Variants in PRKAR1B observed in about 807,000 individuals in gnomAD.
PRKAR1B encodes protein kinase cAMP-dependent type I regulatory subunit beta.
A neutral mutation model predicts 46.5 loss-of-function variants in PRKAR1B; 22 were observed. The observed-to-expected ratio is 0.47, with a 90% CI of 0.34 to 0.68. The LOEUF is 0.68. Among genes scored for constraint, PRKAR1B ranks in the 30% least tolerant of loss-of-function variants. The pLI is 0.01. For missense variants in PRKAR1B, 445 were observed against 535.6 expected (o/e 0.83, Z 1.67); for synonymous variants, 259 against 217.7 (o/e 1.19, Z -1.67).
intron 5 of PRKAR1B, 150 bp from the exon 6 acceptor site, chr7:606,389 A>C: frequency 1.7e-6 from 1 of 590,532 alleles, no homozygotes; most frequent in Admixed American, 3.2e-5. Flanking sequence ...ACAAGATTAT[A>C]CAAACATTGA....
At chr7:626,970 GT>G (rs969964842) in intron 4 of PRKAR1B, among the ~76,000 whole-genome samples, 1 of 152,122 alleles carries the variant, frequency 6.6e-6, no homozygotes, top group African/African-American at 2.4e-5. Flanking sequence ...CGCCTCCCGG[GT>G]TCAAGCGATT....
intron 4 of PRKAR1B, among the ~76,000 whole-genome samples, chr7:612,709 G>C (rs954608278): frequency 2.6e-5 from 4 of 152,234 alleles, no homozygotes; most frequent in Non-Finnish European, 5.9e-5. Flanking sequence ...AAAAGCTGCT[G>C]GAGTGGCCAC....
Position 586,938 on chromosome 7 carries a change from T to C in PRKAR1B, c.709-2370A>G, listed in dbSNP as rs575020953. Among the ~76,000 whole-genome samples the C allele has an allele frequency of 8.1e-5, 12 of 148,646 alleles. 1 individual carries two copies. The South Asian group carries it at 2.4e-3, about 29-fold the overall frequency. The stretch of plus-strand genomic sequence containing the variant: ...TCACTCTGTTGCCCAGGCTGGAGTG[T>C]AGTGGTGCGATCTCGGCTCACTGCA... On this transcript the variant is annotated intron_variant, in intron 7 of 10. Transcript: ENST00000537384.
At chr7:612,265 CGGA>C (rs1562562451) in intron 4 of PRKAR1B, among the ~76,000 whole-genome samples, 31 of 124,874 alleles carry the variant, frequency 2.5e-4, no homozygotes, top group African/African-American at 8.5e-4. Context: ...AGTAGATCAA[CGGA>C]TGGATGGATG....
intron 4 of PRKAR1B, among the ~76,000 whole-genome samples, chr7:642,247 G>C (rs1190153354): frequency 6.6e-6 from 1 of 152,156 alleles, no homozygotes; most frequent in African/African-American, 2.4e-5. Flanking sequence ...CATGGTGGAC[G>C]GGGGTGGAAG....
intron 4 of PRKAR1B, among the ~76,000 whole-genome samples, chr7:610,220 C>A (rs970953042): frequency 1.3e-5 from 2 of 152,218 alleles, no homozygotes; most frequent in Non-Finnish European, 2.9e-5. Context: ...GGCTCACGTT[C>A]CACTCACGTG....
intron 2 of PRKAR1B, among the ~76,000 whole-genome samples, chr7:689,924 G>A (rs1436727193): frequency 9.3e-5 from 14 of 150,816 alleles, no homozygotes; most frequent in Non-Finnish European, 1.3e-4. Context: ...CTCGTGATCC[G>A]CCCGCCTCGG....
intron 9 of PRKAR1B, among the ~76,000 whole-genome samples, chr7:578,331 C>A (rs1468289566): frequency 6.6e-6 from 1 of 152,214 alleles, no homozygotes; most frequent in African/African-American, 2.4e-5. Flanking sequence ...CCCAGCACAT[C>A]CCGGGAGCTC....
intron 1 of PRKAR1B, among the ~76,000 whole-genome samples, chr7:718,295 CATACACAT>C (rs1780952903): frequency 7.4e-6 from 1 of 135,698 alleles, no homozygotes; most frequent in African/African-American, 2.7e-5. Flanking sequence ...CACACACACA[CATACACAT>C]ATATACATAC....
In PRKAR1B at chr7:641,183, A is replaced by C. The variant is rs747555384; in HGVS notation, c.441-33731T>G. ...TGGCCAGGATGGTCTCCATCTCCCG[A>C]CCTCATGATCCGCCCGCCTCGGCCT... On this transcript the variant is annotated intron_variant, in intron 4 of 10. Transcript: ENST00000537384. Among the ~76,000 whole-genome samples the C allele has an allele frequency of 2.9e-3, 446 of 151,976 alleles. 1 individual carries two copies. The highest frequency in any genetic ancestry group is 5.2e-3 in the Non-Finnish European group (356 of 67,960).
At chr7:660,635 C>T (rs1292262005) in intron 4 of PRKAR1B, among the ~76,000 whole-genome samples, 2 of 128,008 alleles carry the variant, frequency 1.6e-5, no homozygotes, top group African/African-American at 3.0e-5. Flanking sequence ...AGCACAAGTC[C>T]CCACCCCAAC....
chr7:701,137 G>A (rs775012137), intron 2 of PRKAR1B, among the ~76,000 whole-genome samples: 75 of 151,192 alleles, frequency 5.0e-4, no homozygotes, highest in Non-Finnish European at 6.6e-4. Flanking sequence ...ACAGTAAGCC[G>A]AGATCGCACC....
intron 2 of PRKAR1B, among the ~76,000 whole-genome samples, chr7:685,311 T>TAC: frequency 1.0e-5 from 1 of 96,986 alleles, no homozygotes; most frequent in African/African-American, 4.9e-5. Context: ...TATATACGTA[T>TAC]ATATACGTAT....
rs148608276 is a variant in PRKAR1B, at chr7:623,881, G to T, written c.441-16429C>A. On this transcript the variant is annotated intron_variant, in intron 4 of 10. Transcript: ENST00000537384. Reference sequence around the variant, plus strand: ...TATGGAATGAACCTATGGAGTCCCAGAAGGGAGGTACAAGCCAAGTGTCCG... The same window carrying T: ...TATGGAATGAACCTATGGAGTCCCATAAGGGAGGTACAAGCCAAGTGTCCG... Among the ~76,000 whole-genome samples the T allele has an allele frequency of 5.8e-3, 889 of 152,328 alleles. 12 individuals are homozygous for T. Among genetic ancestry groups the T allele is most frequent in the African/African-American group, 0.02 (842 of 41,574 alleles).
chr7:600,047 G>A (rs1173152243), intron 6 of PRKAR1B, among the ~76,000 whole-genome samples: 1 of 152,248 alleles, frequency 6.6e-6, no homozygotes, highest in Non-Finnish European at 1.5e-5. Flanking sequence ...GCTGGGGGAG[G>A]CGCATGGGCA....
intron 1 of PRKAR1B, chr7:716,520 G>C (rs750793028): frequency 3.9e-5 from 6 of 152,204 alleles, no homozygotes; most frequent in Non-Finnish European, 7.3e-5. Context: ...ACTTCTCCTT[G>C]GTAGCTCTTA....
At position 596,316 on chromosome 7, in the gene PRKAR1B, AAG is replaced by A. The variant is rs1781263186; in HGVS notation, c.550-14_550-13del. On this transcript the variant is annotated splice_polypyrimidine_tract_variant and intron_variant, in intron 6 of 10. Transcript: ENST00000537384. ...CCGTTCACGTACACCTTTGGGGAGCAAGAGAGAGAAGTGTCACGGGGGCCAGG... is the reference window on the plus strand; with the variant it reads ...CCGTTCACGTACACCTTTGGGGAGCAAGAGAGAAGTGTCACGGGGGCCAGG... 2 of 1,598,798 alleles carry A rather than the reference AAG, an allele frequency of 1.3e-6. No individual in the cohort carries two copies. Among genetic ancestry groups the A allele is most frequent in the East Asian group, 2.2e-5 (1 of 44,462 alleles).
At chr7:576,442 C>G (rs111924907) in intron 9 of PRKAR1B, among the ~76,000 whole-genome samples, 86 of 152,334 alleles carry the variant, frequency 5.6e-4, no homozygotes, top group African/African-American at 1.9e-3. Flanking sequence ...ACGGCTCCCC[C>G]GCAAGGACCC....
At chr7:610,299 G>A (rs1782401726) in intron 4 of PRKAR1B, among the ~76,000 whole-genome samples, 1 of 152,178 alleles carries the variant, frequency 6.6e-6, no homozygotes, top group Non-Finnish European at 1.5e-5. Flanking sequence ...AGTCTCCAGA[G>A]GGGGCTGTTC....
Sources: allele counts gnomAD v4.1 joint callset (sites outside exome capture counted in the v4.1 genomes callset), GRCh38; gene constraint gnomAD v4.1.1; transcripts MANE v1.5; gene names NCBI Gene and HGNC (gene_info 2026-07-23, HGNC 2026-07-21).